ADAM2: variants seen among roughly 807,000 people sequenced by gnomAD.
ADAM2 encodes the protein disintegrin and metalloproteinase domain-containing protein 2.
In ADAM2, 101 loss-of-function variants were observed where a neutral mutation model predicts 99.3. The observed-to-expected ratio is 1.02, with a 90% CI of 0.87 to 1.20. The LOEUF (loss-of-function observed/expected upper bound fraction) is 1.20. ADAM2 is among the 50% of genes most tolerant of loss of function. The pLI, the probability that ADAM2 is intolerant of heterozygous loss-of-function variation, is 0.00. For synonymous variants in ADAM2, 323 were observed against 287.6 expected, an observed-to-expected ratio of 1.12 and a Z score of -1.25; for missense variants, 948 against 878.7, an observed-to-expected ratio of 1.08 and a Z score of -1.00.
chr8:39,832,975 T>C (rs1283744066), intron 3 of ADAM2, among the ~76,000 whole-genome samples: 2 of 152,160 alleles, frequency 1.3e-5, no homozygotes, highest in African/African-American at 4.8e-5. Context: ...TATTCTTATA[T>C]GTCTAATCAT....
chr8:39,823,703 A>G (rs1805288816), intron 4 of ADAM2, among the ~76,000 whole-genome samples: 1 of 151,992 alleles, frequency 6.6e-6, no homozygotes, highest in Non-Finnish European at 1.5e-5. Context: ...ATGCAAATAC[A>G]AACACACATA....
chr8:39,759,519 T>C (rs1258619898), intron 15 of ADAM2, among the ~76,000 whole-genome samples: 1 of 152,192 alleles, frequency 6.6e-6, no homozygotes, highest in African/African-American at 2.4e-5. Context: ...ATGAACTATG[T>C]TTGATAGCTA....
rs778003916 is a variant in ADAM2, at chr8:39,766,939, C to G, written c.1416G>C (p.Gln472His). 2 of 1,614,156 alleles carry G rather than the reference C, an allele frequency of 1.2e-6. No homozygotes were observed. The highest frequency in any genetic ancestry group is 4.5e-5 in the East Asian group (2 of 44,880). ...GATTCAGTCCACACGGATGCCCAGTCTGAACATAGTGGTTTTCTGGGCATG... is the reference window on the plus strand; with the variant it reads ...GATTCAGTCCACACGGATGCCCAGTGTGAACATAGTGGTTTTCTGGGCATG... ...SASCPENHYV[Q>H]TGHPCGLNQW... is the part of the protein sequence containing the mutation. Residue 472 changes from glutamine to histidine, a missense_variant, in exon 14 of 21, where the codon CAG (glutamine) becomes CAC (histidine). Physicochemically the swap from Gln to His is conservative, Grantham distance 24. Coordinates refer to ENST00000265708, the MANE Select transcript of ADAM2 (RefSeq NM_001464.5).
intron 16 of ADAM2, among the ~76,000 whole-genome samples, chr8:39,750,292 C>A (rs972224455): frequency 2.0e-5 from 3 of 151,926 alleles, no homozygotes; most frequent in Middle Eastern, 3.2e-3. Flanking sequence ...ATATTTGAGT[C>A]CTACAAATGT....
intron 10 of ADAM2, among the ~76,000 whole-genome samples, chr8:39,786,662 T>C (rs1266999171): frequency 1.3e-5 from 2 of 152,136 alleles, no homozygotes; most frequent in Non-Finnish European, 2.9e-5. Flanking sequence ...ATATAAAATC[T>C]AAGTTTTAGC....
At chr8:39,764,211 A>G (rs1379772565) in intron 14 of ADAM2, among the ~76,000 whole-genome samples, 2 of 152,152 alleles carry the variant, frequency 1.3e-5, no homozygotes, top group Non-Finnish European at 2.9e-5. Context: ...TTTGAGACCA[A>G]CTTGGGCAAC....
intron 6 of ADAM2, among the ~76,000 whole-genome samples, chr8:39,815,452 G>A (rs1178637000): frequency 3.9e-5 from 6 of 152,130 alleles, no homozygotes; most frequent in Admixed American, 2.6e-4. Flanking sequence ...GAAGTAGGTG[G>A]AGGATAAAAT....
At chr8:39,780,565 G>A (rs1444013518) in intron 10 of ADAM2, among the ~76,000 whole-genome samples, 3 of 152,098 alleles carry the variant, frequency 2.0e-5, no homozygotes, top group East Asian at 1.9e-4. Flanking sequence ...TCAATAGAAA[G>A]TCAAGTCCAG....
chr8:39,836,808 A>G (rs1805843998), intron 2 of ADAM2, among the ~76,000 whole-genome samples: 1 of 152,222 alleles, frequency 6.6e-6, no homozygotes, highest in East Asian at 1.9e-4. Flanking sequence ...AGCAACAATG[A>G]CAAAAAATTC....
chr8:39,825,645 C>T (rs1805368100), intron 3 of ADAM2, among the ~76,000 whole-genome samples: 2 of 151,386 alleles, frequency 1.3e-5, no homozygotes, highest in African/African-American at 4.8e-5. Flanking sequence ...CTAACAAAAG[C>T]CCAGATGAAC....
chr8:39,837,534 G>C (rs1325220526), intron 1 of ADAM2, among the ~76,000 whole-genome samples: 1 of 151,870 alleles, frequency 6.6e-6, no homozygotes, highest in Non-Finnish European at 1.5e-5. Flanking sequence ...CTACAGGCAC[G>C]CACTACCACC....
At position 39,777,044 on chromosome 8, in the gene ADAM2, T is replaced by G. The variant is rs1258347755; in HGVS notation, c.1009A>C (p.Ile337Leu). 2 of 1,586,810 alleles carry G rather than the reference T, an allele frequency of 1.3e-6. No individual in the cohort carries two copies. The highest frequency in any genetic ancestry group is 2.7e-5 in the African/African-American group (2 of 74,336). The change falls in exon 11 of 21, where the codon ATT becomes CTT. Residue 337 changes from isoleucine (I) to leucine (L), a missense_variant. Coordinates refer to ENST00000265708, the MANE Select transcript of ADAM2 (RefSeq NM_001464.5). ...NKCQCSGAVCIMNPEAIHFSG... is the reference protein window; with the variant it reads ...NKCQCSGAVCLMNPEAIHFSG... ...TCTTACATTGCTTCTGGATTCATAA[T>G]GCAGACAGCTCCTGAGCACTGGCAT...
chr8:39,794,117 A>G (rs890189840), intron 7 of ADAM2, among the ~76,000 whole-genome samples: 1 of 152,184 alleles, frequency 6.6e-6, no homozygotes, highest in African/African-American at 2.4e-5. Flanking sequence ...TTACTGTATC[A>G]GGCATATGGC....
intron 6 of ADAM2, among the ~76,000 whole-genome samples, chr8:39,810,963 A>G (rs1804668497): frequency 6.6e-6 from 1 of 151,916 alleles, no homozygotes; most frequent in Non-Finnish European, 1.5e-5. Flanking sequence ...ATAGAGACCA[A>G]AAAAAAACCC....
intron 7 of ADAM2, among the ~76,000 whole-genome samples, chr8:39,807,299 GC>G (rs1366673531): frequency 6.6e-6 from 1 of 152,148 alleles, no homozygotes; most frequent in Non-Finnish European, 1.5e-5. Flanking sequence ...GGGGAATTTT[GC>G]CTCAGTATGA....
chr8:39,821,103 G>A lies in ADAM2; in HGVS notation c.412C>T (p.His138Tyr), dbSNP rs1405386702. The change falls in exon 6 of 21, where the codon CAT becomes TAT. Residue 138 changes from histidine (H) to tyrosine (Y), a missense_variant. Physicochemically the swap from His to Tyr is moderately conservative, Grantham distance 83 (BLOSUM62 2). Transcript: ENST00000265708. ...TTATGTTTTACTTGGTAAATTACAT[G>A]TTCAAAGCCAACTGAAGACTCCAGG... The part of the protein sequence containing the change: ...EPLESSVGFE[H>Y]VIYQVKHKKA... The A allele has an allele frequency of 1.2e-6, 2 of 1,610,992 alleles. No individual in the cohort carries two copies. The highest frequency in any genetic ancestry group is 1.7e-4 in the Middle Eastern group (1 of 6,040).
chr8:39,827,568 C>A (rs1805460601), intron 3 of ADAM2, among the ~76,000 whole-genome samples: 1 of 152,048 alleles, frequency 6.6e-6, no homozygotes, highest in Non-Finnish European at 1.5e-5. Flanking sequence ...AAAAGAAATT[C>A]TTTCATTTGC....
intron 6 of ADAM2, among the ~76,000 whole-genome samples, chr8:39,818,340 G>A (rs576259590): frequency 3.3e-5 from 5 of 152,030 alleles, no homozygotes; most frequent in Admixed American, 1.3e-4. Context: ...CTCAACATAC[G>A]TTGCAGAACA....
chr8:39,833,000 G>T (rs1480971436), intron 3 of ADAM2, among the ~76,000 whole-genome samples: 1 of 151,790 alleles, frequency 6.6e-6, no homozygotes, highest in Non-Finnish European at 1.5e-5. Flanking sequence ...TACATATTTT[G>T]ATCTATATTA....
Sources: gnomAD v4.1 joint callset for allele counts (sites outside exome capture counted in the v4.1 genomes callset) on GRCh38, gnomAD v4.1.1 for gene constraint, MANE v1.5 for transcripts, NCBI Gene and HGNC (gene_info 2026-07-23, HGNC 2026-07-21) for gene names.